The following DGKG variants were observed in gnomAD, a reference collection of about 807,000 sequenced individuals.
DGKG encodes the protein DAG kinase gamma.
DGKG carries 78 observed loss-of-function variants against 105.3 expected under a neutral mutation model. That is an observed-to-expected ratio of 0.74 (90% CI 0.62 to 0.89). The LOEUF (loss-of-function observed/expected upper bound fraction) is 0.89, where lower values mean the gene tolerates loss of function less well. DGKG is among the 40% of genes least tolerant of loss of function. The pLI, the probability that DGKG is intolerant of heterozygous loss-of-function variation, is 0.00. For missense variants in DGKG, 958 were observed against 1,020.1 expected (o/e 0.94, Z 0.83); for synonymous variants, 346 against 367.1 (o/e 0.94, Z 0.66).
intron 21 of DGKG, chr3:186,207,544 CA>C (rs1377553810): frequency 5.1e-6 from 5 of 972,106 alleles, no homozygotes; most frequent in Middle Eastern, 5.2e-4. Flanking sequence ...AAAACAAAAA[CA>C]AAAAGCCCTG....
rs746506410 is a variant in DGKG at position 186,288,816 on chromosome 3, G to T, written c.438C>A (p.Pro146=). The T allele has an allele frequency of 1.2e-6, 2 of 1,611,592 alleles. No individual in the cohort carries two copies. Among genetic ancestry groups the T allele is most frequent in the East Asian group, 4.5e-5 (2 of 44,754 alleles). ...CCGAGCTTGAAGACCGAGGGACGGG[G>T]GGTTCCAGGGGGGTCGCAGCCACTT... is the stretch of plus-strand genomic sequence containing the variant. ...EDQVAATPLE[P]PVPRSSSSES... is the part of the protein sequence containing the mutation. Residue 146 remains proline (P), a synonymous_variant, in exon 6 of 25, where the codon CCC becomes CCA. Transcript: ENST00000265022.
chr3:186,171,165 C>T (rs1716797460), intron 22 of DGKG, among the ~76,000 whole-genome samples: 1 of 152,194 alleles, frequency 6.6e-6, no homozygotes, highest in Non-Finnish European at 1.5e-5. Flanking sequence ...ACATATCACT[C>T]TCTCAACTCC....
At position 186,284,947 on chromosome 3, in the gene DGKG, C is replaced by G. The variant is rs1402982381; in HGVS notation, c.545-238G>C. Among the ~76,000 whole-genome samples, 1 of 152,172 alleles carries G rather than the reference C, an allele frequency of 6.6e-6. No individual in the cohort carries two copies. Among genetic ancestry groups the G allele is most frequent in the African/African-American group, 2.4e-5 (1 of 41,444 alleles). ...GCAATACCTATGTGGCTGATGAAGT[C>G]CAGGTCATGAGTGTAATTCCCTGGG... On this transcript the variant is annotated intron_variant, in intron 6 of 24. Transcript: ENST00000265022. This position sits in a 1 kb window ranked among gnomAD's most constrained non-coding sequence, Gnocchi z 4.0.
In DGKG at chr3:186,275,566, C is replaced by T. The variant is rs545684299; in HGVS notation, c.891G>A (p.Lys297=). The T allele has an allele frequency of 4.3e-6, 7 of 1,614,222 alleles. No individual in the cohort carries two copies. The African/African-American group carries it at 9.3e-5, about 22-fold the overall frequency. ...FCHIMLMGVR[K]QGLCCTYCKY... ...ACTCACAAGTGCAGCACAGGCCTTG[C>T]TTGCGGACGCCCATGAGCATGATAT... Residue 297 remains lysine, a synonymous_variant, in exon 10 of 25, where the codon AAG becomes AAA. Transcript: ENST00000265022.
chr3:186,248,958 T>C (rs1202459540), intron 19 of DGKG, among the ~76,000 whole-genome samples: 1 of 152,180 alleles, frequency 6.6e-6, no homozygotes, highest in African/African-American at 2.4e-5. Context: ...CTGGTTACTA[T>C]AGGAAAAAGA....
chr3:186,299,769 C>A (rs547544678), intron 3 of DGKG, among the ~76,000 whole-genome samples: 1 of 36,044 alleles, frequency 2.8e-5, no homozygotes, highest in African/African-American at 1.2e-4. Context: ...CTTCTTTTCT[C>A]TTTCTTTCTT....
chr3:186,190,179 A>G (rs549963516), intron 21 of DGKG, among the ~76,000 whole-genome samples: 8 of 152,292 alleles, frequency 5.3e-5, no homozygotes, highest in East Asian at 3.9e-4. Flanking sequence ...TCAGAGCCCA[A>G]GTTTTTTATT....
chr3:186,208,281 A>C (rs1460877371), intron 21 of DGKG, among the ~76,000 whole-genome samples: 1 of 152,098 alleles, frequency 6.6e-6, no homozygotes, highest in Non-Finnish European at 1.5e-5. Flanking sequence ...ACCTCAGGTG[A>C]TCCACCCACC....
intron 1 of DGKG, among the ~76,000 whole-genome samples, chr3:186,348,367 C>CTTTTTTTTTTTTTTT (rs1303442403): frequency 2.1e-5 from 1 of 48,284 alleles, no homozygotes; most frequent in East Asian, 6.5e-4. Flanking sequence ...TTGCTGGGTG[C>CTTTTTTTTTTTTTTT]TTTTTTTTTT....
At chr3:186,205,013 T>C (rs1478753347) in intron 21 of DGKG, among the ~76,000 whole-genome samples, 2 of 152,074 alleles carry the variant, frequency 1.3e-5, no homozygotes, top group African/African-American at 4.8e-5. Context: ...TCCCAGCACT[T>C]TGGGAGGCCA....
intron 21 of DGKG, among the ~76,000 whole-genome samples, chr3:186,208,442 GA>G (rs11288455): frequency 0.82 from 121,353 of 147,732 alleles, 50,214 homozygotes; most frequent in East Asian, 0.94. Context: ...AAAAAAAGAA[GA>G]AAAAAAAAAG....
chr3:186,309,063 T>C (rs1724392300), intron 2 of DGKG, among the ~76,000 whole-genome samples: 1 of 152,152 alleles, frequency 6.6e-6, no homozygotes, highest in African/African-American at 2.4e-5. Flanking sequence ...TTCCTAAACA[T>C]TTGTTAACAT....
At chr3:186,178,296 T>C (rs1342226800) in intron 22 of DGKG, among the ~76,000 whole-genome samples, 3 of 152,204 alleles carry the variant, frequency 2.0e-5, no homozygotes, top group African/African-American at 4.8e-5. Context: ...GTGCAGAGCA[T>C]GTGGCCAGGA....
chr3:186,175,110 T>C (rs1014749491), intron 22 of DGKG, among the ~76,000 whole-genome samples: 4 of 152,176 alleles, frequency 2.6e-5, no homozygotes, highest in Non-Finnish European at 4.4e-5. Flanking sequence ...GGAAAAATCA[T>C]TTCCCTCCTC....
intron 22 of DGKG, among the ~76,000 whole-genome samples, chr3:186,183,008 G>T (rs1209568838): frequency 6.6e-6 from 1 of 152,212 alleles, no homozygotes; most frequent in Non-Finnish European, 1.5e-5. Flanking sequence ...TAAGTGCTCA[G>T]GGAATTCACA....
chr3:186,242,572 A>T lies in DGKG; in HGVS notation c.1762-4T>A. 6.2e-7 allele frequency: 1 copy of T among 1,613,246 alleles called. No individual in the cohort carries two copies. Among genetic ancestry groups the T allele is most frequent in the Admixed American group, 1.7e-5 (1 of 59,958 alleles). ...ATCTGTGTGCAATGGAAGCGTCCTG[A>T]AAGTGAAAGAGACAAAGCAGATCCT... is the stretch of plus-strand genomic sequence containing the variant. On this transcript the variant is annotated splice_polypyrimidine_tract_variant and splice_region_variant and intron_variant, in intron 19 of 24. Coordinates refer to ENST00000265022, the MANE Select transcript of DGKG (RefSeq NM_001346.3).
At chr3:186,312,716 T>C (rs1046900938) in intron 2 of DGKG, among the ~76,000 whole-genome samples, 1 of 152,222 alleles carries the variant, frequency 6.6e-6, no homozygotes, top group African/African-American at 2.4e-5. Flanking sequence ...TCTAGGAAGT[T>C]ATACAGTGAG....
At chr3:186,184,720 A>C (rs1717537230) in intron 22 of DGKG, among the ~76,000 whole-genome samples, 3 of 151,730 alleles carry the variant, frequency 2.0e-5, no homozygotes, top group Admixed American at 2.0e-4. Context: ...TTTGAGAGCA[A>C]CCCCTCCCAT....
chr3:186,225,246 C>T (rs541014013), intron 20 of DGKG, among the ~76,000 whole-genome samples: 1 of 152,158 alleles, frequency 6.6e-6, no homozygotes, highest in African/African-American at 2.4e-5. Context: ...GGATTACAGG[C>T]ATGAGCCATT....
Sources: allele counts gnomAD v4.1 joint callset (sites outside exome capture counted in the v4.1 genomes callset), GRCh38; gene constraint gnomAD v4.1.1; non-coding constraint Gnocchi (gnomAD v3.1); transcripts MANE v1.5; gene names NCBI Gene and HGNC (gene_info 2026-07-23, HGNC 2026-07-21).